The following RPP30 variants were observed in gnomAD, a reference collection of about 807,000 sequenced individuals.
RPP30 encodes ribonuclease P protein subunit p30.
A neutral mutation model predicts 38.6 loss-of-function variants in RPP30; 36 were observed. The observed-to-expected ratio is 0.93, with a 90% CI of 0.71 to 1.23. The LOEUF (loss-of-function observed/expected upper bound fraction) is 1.23, where lower values mean the gene tolerates loss of function less well. Among genes scored for constraint, RPP30 ranks in the 50% most tolerant of loss-of-function variants. The probability of loss-of-function intolerance (pLI) is 0.00; values close to 1 mark genes in which losing one functional copy is unlikely to be tolerated. For synonymous variants in RPP30, 126 were observed against 112.7 expected (o/e 1.12, Z -0.75); for missense variants, 321 against 321.7 (o/e 1.00, Z 0.02).
At chr10:90,875,895 A>G (rs1158896099) in intron 3 of RPP30, 129 bp from the exon 4 acceptor site, 1 of 636,550 alleles carries the variant, frequency 1.6e-6, no homozygotes, top group East Asian at 2.7e-5. Flanking sequence ...CTAGAGAACA[A>G]GGACTGGGTT....
At chr10:90,877,776 AG>A (rs1183253470) in intron 4 of RPP30, among the ~76,000 whole-genome samples, 1 of 152,326 alleles carries the variant, frequency 6.6e-6, no homozygotes, top group East Asian at 1.9e-4. Context: ...TGGGAGGCGT[AG>A]GGTGGTTAGT....
rs1436373999 is a variant in RPP30 at position 90,895,460 on chromosome 10, A to G, written c.556A>G (p.Ile186Val). ...LMQICKGKNV[I>V]ISSAAERPLE... ...GTCACTTTCTATTTTGTAGAATGTAATTATATCTAGTGCTGCAGAAAGGGT... is the reference window on the plus strand; with the variant it reads ...GTCACTTTCTATTTTGTAGAATGTAGTTATATCTAGTGCTGCAGAAAGGGT... Residue 186 changes from isoleucine (I) to valine (V), a missense_variant, in exon 8 of 11, where the codon ATT becomes GTT. Ile to Val is a conservative substitution (Grantham distance 29). Coordinates refer to ENST00000371703, the MANE Select transcript of RPP30 (RefSeq NM_006413.5). 29 of 1,424,172 alleles carry G rather than the reference A, an allele frequency of 2.0e-5. No individual in the cohort carries two copies. Among genetic ancestry groups the G allele is most frequent in the Non-Finnish European group, 2.5e-5 (27 of 1,072,138 alleles). The allele number at this position is 1,424,172 out of a possible 1,614,324, so 88.2% of individuals were successfully genotyped here. A position where few individuals can be genotyped will look rare whatever the true frequency, so the allele number is the denominator to read the frequency against.
chr10:90,895,903 T>C lies in RPP30; in HGVS notation c.603T>C (p.Tyr201=), dbSNP rs1222494483. ...AERPLEIRGP[Y]DVANLGLLFG... ...AGCCTTTAGAAATAAGAGGGCCATA[T>C]GACGTGGCAAATCTGTATCCTTTTC... is the stretch of plus-strand genomic sequence containing the variant. The change falls in exon 9 of 11, where the codon TAT becomes TAC. Residue 201 remains tyrosine (Y), a synonymous_variant. Transcript: ENST00000371703. 1 of 1,600,206 alleles carries C rather than the reference T, an allele frequency of 6.2e-7. No homozygotes were observed. Among genetic ancestry groups the C allele is most frequent in the Non-Finnish European group, 8.5e-7 (1 of 1,173,650 alleles).
At chr10:90,879,684 T>C (rs1304292689) in intron 5 of RPP30, among the ~76,000 whole-genome samples, 1 of 152,234 alleles carries the variant, frequency 6.6e-6, no homozygotes. Context: ...CCTTTATGAA[T>C]TGAATTTCTT....
chr10:90,904,701 A>G (rs2120246713), downstream of RPP30, among the ~76,000 whole-genome samples: 1 of 152,218 alleles, frequency 6.6e-6, no homozygotes, highest in East Asian at 1.9e-4. Context: ...AATCCCTGCT[A>G]CTCGGGAGGC....
intron 10 of RPP30, among the ~76,000 whole-genome samples, chr10:90,897,483 C>A (rs1298330956): frequency 6.6e-6 from 1 of 152,036 alleles, no homozygotes; most frequent in African/African-American, 2.4e-5. Flanking sequence ...TATTATGTAG[C>A]CTAGAACTCA....
At chr10:90,879,253 T>C (rs1846892522) in intron 5 of RPP30, 119 bp downstream of exon 5, 3 of 737,254 alleles carry the variant, frequency 4.1e-6, no homozygotes, top group Non-Finnish European at 6.7e-6. Flanking sequence ...TTGTTATTTA[T>C]ACTTGGAGTT....
chr10:90,875,016 T>G, intron 2 of RPP30, 92 bp downstream of exon 2: 1 of 740,278 alleles, frequency 1.4e-6, no homozygotes, highest in Admixed American at 2.7e-5. Flanking sequence ...ATTAGAATAT[T>G]TCTTAAATGC....
downstream of RPP30, chr10:90,903,320 C>G: frequency 7.7e-7 from 1 of 1,306,876 alleles, no homozygotes; most frequent in South Asian, 1.2e-5. Flanking sequence ...GCTTAAAATG[C>G]TTAACAGGAT....
intron 10 of RPP30, among the ~76,000 whole-genome samples, chr10:90,898,590 A>G (rs1847169493): frequency 6.6e-6 from 1 of 151,720 alleles, no homozygotes; most frequent in Non-Finnish European, 1.5e-5. Flanking sequence ...CTGAAACACT[A>G]TTGGAAAATG....
chr10:90,872,055 G>A lies in RPP30; in HGVS notation c.69G>A (p.Glu23=), dbSNP rs577470288. 7 of 1,614,156 alleles carry A rather than the reference G, an allele frequency of 4.3e-6. No individual in the cohort carries two copies. In the African/African-American group the frequency reaches 5.3e-5, roughly 12 times the overall value. Residue 23 remains glutamate (E), a synonymous_variant, in exon 1 of 11, where the codon GAG becomes GAA. Transcript: ENST00000371703. ...SDLKALRGLV[E]TAAHLGYSVV... ...TGAAGGCTCTGCGCGGACTTGTGGA[G>A]ACAGCCGCTCACCGTGAGTTGCCCC...
At chr10:90,878,405 T>C (rs1342614337) in intron 4 of RPP30, among the ~76,000 whole-genome samples, 1 of 152,190 alleles carries the variant, frequency 6.6e-6, no homozygotes, top group Non-Finnish European at 1.5e-5. Flanking sequence ...TCAGAGATTG[T>C]ATGTTTGTGT....
Position 90,879,087 on chromosome 10 carries a change from C to T in RPP30, c.295C>T (p.Leu99Phe). The change falls in exon 5 of 11, where the codon CTC becomes TTC. Residue 99 changes from leucine to phenylalanine, a missense_variant. Transcript: ENST00000371703. ...GAGAGCAACTTCTTCAAGGGCCCGG[C>T]TCTATGATGTTGTTGCAGTTTTTCC... is the stretch of plus-strand genomic sequence containing the variant. ...VLRATSSRAR[L>F]YDVVAVFPKT... 6.2e-7 allele frequency: 1 copy of T among 1,613,972 alleles called. No individual in the cohort carries two copies. Among genetic ancestry groups the T allele is most frequent in the Non-Finnish European group, 8.5e-7 (1 of 1,179,960 alleles).
intron 6 of RPP30, among the ~76,000 whole-genome samples, chr10:90,889,140 C>T (rs1375023174): frequency 4.6e-5 from 7 of 151,982 alleles, no homozygotes; most frequent in Non-Finnish European, 1.0e-4. Flanking sequence ...AACATAATAT[C>T]CAGTCTGGCT....
At chr10:90,903,280 G>T, downstream of RPP30, 1 of 1,587,416 alleles carries the variant, frequency 6.3e-7, no homozygotes, top group South Asian at 1.1e-5. Context: ...TTAAAAGGTT[G>T]GTACCCAAGT....
In RPP30 at chr10:90,884,736, G is replaced by A. The variant is rs550965980; in HGVS notation, c.343-1076G>A. On this transcript the variant is annotated intron_variant, in intron 5 of 10. Coordinates refer to ENST00000371703, the MANE Select transcript of RPP30 (RefSeq NM_006413.5). ...ATTCTGAAGAAAAAGGGCAAGATAC[G>A]GTATTCCTGTCATTGCCGAAGGTTG... Among the ~76,000 whole-genome samples, 72 of 152,232 alleles carry A rather than the reference G, an allele frequency of 4.7e-4. No homozygotes were observed. In the South Asian group the frequency reaches 0.011, roughly 24 times the overall value.
At chr10:90,892,934 G>A (rs1847100509) in intron 6 of RPP30, among the ~76,000 whole-genome samples, 2 of 152,256 alleles carry the variant, frequency 1.3e-5, no homozygotes, top group South Asian at 4.1e-4. Context: ...TATGTAAAAG[G>A]CAGTCTAGCT....
rs115536111 is a variant in RPP30 at position 90,887,156 on chromosome 10, T to A, written c.432+1255T>A. Among the ~76,000 whole-genome samples, 1,039 of 151,686 alleles carry A rather than the reference T, an allele frequency of 6.8e-3. 13 individuals carry two copies. Among genetic ancestry groups the A allele is most frequent in the African/African-American group, 0.024 (973 of 41,342 alleles). On this transcript the variant is annotated intron_variant, in intron 6 of 10. Coordinates refer to ENST00000371703, the MANE Select transcript of RPP30 (RefSeq NM_006413.5). ...CTAATTTTTTTATGTTTTGTAAAGT[T>A]GAGGTCTCACCATGTTTCCCAGGCT...
At chr10:90,875,876 T>C (rs1478500566) in intron 3 of RPP30, 148 bp from the exon 4 acceptor site, 18 of 623,610 alleles carry the variant, frequency 2.9e-5, no homozygotes, top group Non-Finnish European at 4.6e-5. Context: ...GTGGCTGTAT[T>C]GTAAATTCCT....
Sources: allele counts gnomAD v4.1 joint callset (sites outside exome capture counted in the v4.1 genomes callset), GRCh38; gene constraint gnomAD v4.1.1; transcripts MANE v1.5; gene names NCBI Gene and HGNC (gene_info 2026-07-23, HGNC 2026-07-21).